Variants in DMD observed in about 807,000 individuals in gnomAD.
DMD encodes the protein mutant dystrophin.
Under a neutral mutation model 330.1 loss-of-function variants are expected in DMD, and 63 were observed. That is an observed-to-expected ratio of 0.19 (90% confidence interval 0.16 to 0.24). The LOEUF (loss-of-function observed/expected upper bound fraction) is 0.24. Ranked by LOEUF, DMD falls within the 10% of genes least tolerant of loss-of-function variation. The pLI is 1.00. For missense variants in DMD, 3,344 were observed against 2,684.1 expected, an observed-to-expected ratio of 1.25 and a Z score of -5.43; for synonymous variants, 1,223 against 959.8, an observed-to-expected ratio of 1.27 and a Z score of -5.07.
intron 50 of DMD, among the ~76,000 whole-genome samples, chrX:31,782,170 T>A (rs928563756): frequency 2.9e-4 from 32 of 110,730 alleles, no homozygotes; most frequent in African/African-American, 9.9e-4. Flanking sequence ...TGCTGGAGAG[T>A]AAATGTCCAC....
intron 7 of DMD, among the ~76,000 whole-genome samples, chrX:32,701,150 C>G (rs1206426605): frequency 8.9e-6 from 1 of 111,829 alleles, no homozygotes; most frequent in Non-Finnish European, 1.9e-5. Context: ...TCTGCATTTG[C>G]AATAGTCTCC....
intron 50 of DMD, among the ~76,000 whole-genome samples, chrX:31,789,569 A>T (rs1344061283): frequency 9.0e-6 from 1 of 111,632 alleles, no homozygotes; most frequent in Non-Finnish European, 1.9e-5. Context: ...TCCAAGGTAA[A>T]GTTAATTACA....
chrX:32,590,287 G>A (rs1204000291), intron 13 of DMD, among the ~76,000 whole-genome samples: 1 of 112,134 alleles, frequency 8.9e-6, no homozygotes, highest in Non-Finnish European at 1.9e-5. Flanking sequence ...AGTGAGCATG[G>A]CCTCATGTTT....
Position 32,965,521 on chromosome X carries a change from G to T in DMD, c.93+54618C>A, listed in dbSNP as rs947134247. 4.7e-5 allele frequency among the ~76,000 whole-genome samples: 5 copies of T among 107,272 alleles called. No homozygotes were observed. The East Asian group carries it at 1.5e-3, about 32-fold the overall frequency. 93.2% of individuals were successfully genotyped at this position (107,272 alleles called of 115,157 possible). ...AAAAAAAAAAAAAAGAAGTGGGGTGGGGGGGTTACTTGGGAATACAGTCTG... is the reference window on the plus strand; with the variant it reads ...AAAAAAAAAAAAAAGAAGTGGGGTGTGGGGGTTACTTGGGAATACAGTCTG... On this transcript the variant is annotated intron_variant, in intron 2 of 78. Transcript: ENST00000357033.
chrX:32,351,000 CA>C (rs2097779788), intron 37 of DMD, among the ~76,000 whole-genome samples: 1 of 111,018 alleles, frequency 9.0e-6, no homozygotes, highest in Admixed American at 9.6e-5. Flanking sequence ...GGAACTTAGA[CA>C]AGTTATTTAT....
chrX:33,134,236 G>C (rs766645389), intron 1 of DMD, among the ~76,000 whole-genome samples: 1 of 111,560 alleles, frequency 9.0e-6, no homozygotes, highest in African/African-American at 3.3e-5. Context: ...AATGAACTGA[G>C]TAATGGAATC....
rs140966852 is a variant in DMD, at chrX:31,453,422, A to G, written c.8938-8795T>C. On this transcript the variant is annotated intron_variant, in intron 59 of 78. Coordinates refer to ENST00000357033, the MANE Select transcript of DMD (RefSeq NM_004006.3). ...GGTGATCCGCCTGCCTTGGCCTCCC[A>G]AAGTGTTGAGATTACAGGTGTGAGC... 7.3e-3 allele frequency among the ~76,000 whole-genome samples: 805 copies of G among 110,867 alleles called. 4 individuals are homozygous for G. The highest frequency in any genetic ancestry group is 0.025 in the African/African-American group (756 of 30,461).
chrX:32,387,359 T>C (rs2097966086), intron 32 of DMD, among the ~76,000 whole-genome samples: 1 of 111,210 alleles, frequency 9.0e-6, no homozygotes, highest in Admixed American at 9.6e-5. Flanking sequence ...TACGTGTGTG[T>C]ATATACGTAT....
chrX:31,282,108 T>C (rs1272270970), intron 62 of DMD, among the ~76,000 whole-genome samples: 6 of 112,099 alleles, frequency 5.4e-5, no homozygotes, highest in Non-Finnish European at 1.1e-4. Context: ...TAGTGCCTTT[T>C]AGTCATAAAG....
chrX:31,284,612 T>TTCTTCTTCTTCTTCTTCTTCTTCTTC (rs2053017831), intron 62 of DMD, among the ~76,000 whole-genome samples: 1 of 104,787 alleles, frequency 9.5e-6, no homozygotes, highest in African/African-American at 3.7e-5. Context: ...CTTCTTTTTT[T>TTCTTCTTCTTCTTCTTCTTCTTCTTC]TGGCAGAGGT....
rs145273293 is a variant in DMD at position 32,719,536 on chromosome X, T to G, written c.650-20243A>C. On this transcript the variant is annotated intron_variant, in intron 7 of 78. Transcript: ENST00000357033. ...AAAGAGAAACCTTAGTATTGCAAAG[T>G]TTAAACTGATTATGTTAATATGCAT... Among the ~76,000 whole-genome samples, 770 of 111,412 alleles carry G rather than the reference T, an allele frequency of 6.9e-3. 5 individuals are homozygous for G. Among genetic ancestry groups the G allele is most frequent in the African/African-American group, 0.024 (740 of 30,748 alleles).
At chrX:33,254,422 CA>C (rs2052821748) in intron 1 of DMD, among the ~76,000 whole-genome samples, 1 of 109,990 alleles carries the variant, frequency 9.1e-6, no homozygotes, top group Non-Finnish European at 1.9e-5. Context: ...GGGTCTGGGG[CA>C]AATTAGAGAT....
At chrX:33,001,255 T>C (rs1338031623) in intron 2 of DMD, among the ~76,000 whole-genome samples, 1 of 111,834 alleles carries the variant, frequency 8.9e-6, no homozygotes, top group African/African-American at 3.2e-5. Flanking sequence ...TTAGGAAGAA[T>C]GGGCACACTG....
At chrX:31,469,286 G>GT (rs1000216259) in intron 59 of DMD, among the ~76,000 whole-genome samples, 2 of 111,754 alleles carry the variant, frequency 1.8e-5, no homozygotes, top group Non-Finnish European at 3.8e-5. Context: ...AATTTGTTAT[G>GT]TTTTTACCAT....
chrX:33,277,590 T>C lies in DMD; in HGVS notation c.7+61669A>G, dbSNP rs952492627. Among the ~76,000 whole-genome samples, 31 of 110,613 alleles carry C rather than the reference T, an allele frequency of 2.8e-4. 1 individual carries two copies. The highest frequency in any genetic ancestry group is 8.5e-4 in the African/African-American group (26 of 30,417). On this transcript the variant is annotated intron_variant, in intron 1 of 17. Transcript: ENST00000288447. ...TCTTTCACAACGTGTTTATGACTCC[T>C]GGACATTTTGGGCTGAACAGTCACA...
At chrX:31,321,603 A>AG (rs1556500691) in intron 62 of DMD, among the ~76,000 whole-genome samples, 3 of 77,035 alleles carry the variant, frequency 3.9e-5, no homozygotes, top group African/African-American at 2.8e-4. Flanking sequence ...AAAAAAAAAA[A>AG]AAAAAAAGAA....
intron 60 of DMD, among the ~76,000 whole-genome samples, chrX:31,409,355 T>C (rs2061541979): frequency 8.9e-6 from 1 of 112,205 alleles, no homozygotes; most frequent in South Asian, 3.7e-4. Context: ...GACTTATTTC[T>C]TGTAAGTCAT....
intron 16 of DMD, among the ~76,000 whole-genome samples, chrX:32,558,723 TATAA>T (rs1250958374): frequency 1.8e-5 from 2 of 111,042 alleles, no homozygotes; most frequent in East Asian, 2.8e-4. Flanking sequence ...CCTTTAAATT[TATAA>T]ATAAAGAATG....
At chrX:32,644,885 A>C (rs2059687391) in intron 10 of DMD, 79 bp downstream of exon 10, 1 of 1,076,968 alleles carries the variant, frequency 9.3e-7, no homozygotes, top group Non-Finnish European at 1.3e-6. Context: ...AGGATGTAAG[A>C]GAGTAATTGA....
Sources: allele counts gnomAD v4.1 joint callset (sites outside exome capture counted in the v4.1 genomes callset), GRCh38; gene constraint gnomAD v4.1.1; transcripts MANE v1.5; gene names NCBI Gene and HGNC (gene_info 2026-07-23, HGNC 2026-07-21).